The following STPG1 variants were observed in gnomAD, a reference collection of about 807,000 sequenced individuals.
STPG1 encodes the protein sperm tail PG-rich repeat containing 1.
Under a neutral mutation model 40.1 loss-of-function variants are expected in STPG1, and 33 were observed. That is an observed-to-expected ratio of 0.82 (90% CI 0.62 to 1.10). STPG1 has a LOEUF of 1.10. Among genes scored for constraint, STPG1 ranks in the 50% least tolerant of loss-of-function variants. The probability of loss-of-function intolerance (pLI) is 0.00; values close to 1 mark genes in which losing one functional copy is unlikely to be tolerated. For missense variants in STPG1, 396 were observed against 415.1 expected (o/e 0.95, Z 0.40); for synonymous variants, 150 against 155.0 (o/e 0.97, Z 0.24).
intron 5 of STPG1, among the ~76,000 whole-genome samples, chr1:24,376,323 C>A (rs936859472): frequency 6.6e-6 from 1 of 152,128 alleles, no homozygotes; most frequent in African/African-American, 2.4e-5. Context: ...GCCTGGCCTG[C>A]ACCTGGTTTT....
rs753343343 is a variant in STPG1, at chr1:24,369,679, AAG to A, written c.730_731del (p.Leu244PhefsTer29). On this transcript the variant is annotated frameshift_variant, in exon 7 of 9. Coordinates refer to ENST00000337248, the MANE Select transcript of STPG1 (RefSeq NM_001199013.2). LOFTEE classifies it high-confidence loss of function. ...CCAGAATGATTGGGACTCACGGGAAAAGAGTCTTTTTTGGAACTTTTGTGCAA... is the reference window on the plus strand; with the variant it reads ...CCAGAATGATTGGGACTCACGGGAAAAGTCTTTTTTGGAACTTTTGTGCAA... ...SDCTKVPKKTLFPKNPILNFS... is the reference protein window; with the variant it reads ...SDCTKVPKKTXFPKNPILNFS... 1 of 1,590,440 alleles carries A rather than the reference AAG, an allele frequency of 6.3e-7. No homozygotes were observed. Among genetic ancestry groups the A allele is most frequent in the South Asian group, 1.1e-5 (1 of 88,436 alleles).
intron 1 of STPG1, among the ~76,000 whole-genome samples, chr1:24,403,526 T>C (rs1643303749): frequency 6.6e-6 from 1 of 152,186 alleles, no homozygotes; most frequent in South Asian, 2.1e-4. Flanking sequence ...TGAGATTGCA[T>C]TGAATCTATA....
At chr1:24,388,968 G>T (rs183238148) in intron 3 of STPG1, among the ~76,000 whole-genome samples, 1 of 152,144 alleles carries the variant, frequency 6.6e-6, no homozygotes, top group Admixed American at 6.5e-5. Flanking sequence ...AGTAGGACAC[G>T]GAAAGCCTGA....
intron 2 of STPG1, chr1:24,392,186 G>A: frequency 1.9e-6 from 1 of 538,718 alleles, no homozygotes; most frequent in Non-Finnish European, 2.4e-6. Flanking sequence ...TTTCGTTTCT[G>A]TTTTGAGCAG....
chr1:24,357,870 A>G lies in STPG1; in HGVS notation c.*673T>C. On this transcript the variant is annotated 3_prime_UTR_variant, in exon 9 of 9. Transcript: ENST00000337248. ...GTCCCGCCAGCAGAGAAAGTCAGGG[A>G]AAAGCGCAGCCCCCGGGCCCGGCCA... 1 of 306,296 alleles carries G rather than the reference A, an allele frequency of 3.3e-6. No homozygotes were observed. The allele number at this position is 306,296 out of a possible 1,614,324, so 19.0% of individuals were successfully genotyped here.
rs553930510 is a variant in STPG1, at chr1:24,369,596, AC to A, written c.737+77del. On this transcript the variant is annotated intron_variant, in intron 7 of 8. Coordinates refer to ENST00000337248, the MANE Select transcript of STPG1 (RefSeq NM_001199013.2). ...GCACTGTGCTCTGCCAAGCAGTGAC[AC>A]CCCATCCTTTTCTCTATGTTGGGCT... 81 of 1,473,430 alleles carry A rather than the reference AC, an allele frequency of 5.5e-5. 1 individual carries two copies. In the African/African-American group the frequency reaches 1.1e-3, roughly 20 times the overall value. 91.3% of individuals were successfully genotyped at this position (1,473,430 alleles called of 1,614,324 possible).
chr1:24,364,475 A>ATT, intron 7 of STPG1: 1 of 1,393,846 alleles, frequency 7.2e-7, no homozygotes, highest in South Asian at 1.8e-5. Context: ...ATTACTTTGC[A>ATT]TTTAAAATGT....
In STPG1 at chr1:24,359,258, C is replaced by T. The variant is rs979830200; in HGVS notation, c.929-639G>A. ...CCCACCTTGGCATGGGTGATCAGAG[C>T]GGCAGGAGCTGCCTGTCTCTGTGTG... On this transcript the variant is annotated intron_variant, in intron 8 of 8. Transcript: ENST00000337248. This position sits in a 1 kb window ranked among gnomAD's most constrained non-coding sequence, Gnocchi z 5.3. 2.6e-5 allele frequency among the ~76,000 whole-genome samples: 4 copies of T among 152,212 alleles called. No homozygotes were observed. Among genetic ancestry groups the T allele is most frequent in the African/African-American group, 4.8e-5 (2 of 41,444 alleles).
At chr1:24,371,572 C>T (rs1256797354) in intron 6 of STPG1, among the ~76,000 whole-genome samples, 1 of 142,204 alleles carries the variant, frequency 7.0e-6, no homozygotes, top group African/African-American at 2.6e-5. Context: ...GCCTGGGCAA[C>T]AGAGCGAGAC....
chr1:24,405,022 A>G (rs1643361203), intron 1 of STPG1, among the ~76,000 whole-genome samples: 1 of 152,222 alleles, frequency 6.6e-6, no homozygotes, highest in Non-Finnish European at 1.5e-5. Context: ...CAGTGGCACA[A>G]TCTCAGCTCA....
intron 6 of STPG1, among the ~76,000 whole-genome samples, chr1:24,371,590 CAA>C (rs11348704): frequency 1.0e-3 from 109 of 108,082 alleles, no homozygotes; most frequent in East Asian, 1.2e-3. Flanking sequence ...GACTCCCTCT[CAA>C]AAAAAAAAAA....
chr1:24,405,322 C>T lies in STPG1; in HGVS notation c.-68-3866G>A, dbSNP rs186823821. On this transcript the variant is annotated intron_variant, in intron 1 of 8. Transcript: ENST00000337248. The stretch of plus-strand genomic sequence containing the variant: ...GTTCCTGTAAGCACCATTTTAGTGG[C>T]ATCTCATATATTTTAACATGTTGTG... Among the ~76,000 whole-genome samples the T allele has an allele frequency of 1.4e-3, 207 of 152,252 alleles. 1 individual carries two copies. The highest frequency in any genetic ancestry group is 7.4e-4 in the Non-Finnish European group (50 of 68,010).
chr1:24,379,797 A>G lies in STPG1; in HGVS notation c.318T>C (p.Ser106=), dbSNP rs1223413051. The change falls in exon 5 of 9, where the codon TCT becomes TCC. Residue 106 remains serine (S), a synonymous_variant. Coordinates refer to ENST00000337248, the MANE Select transcript of STPG1 (RefSeq NM_001199013.2). ...TGTATGCATTCGCTGCAGGGTATTT[A>G]GAAATGATGGTGTCCAATCGGGCGC... ...SMCARLDTII[S]KYPAANAYTI... is the part of the protein sequence containing the mutation. 1 of 1,614,136 alleles carries G rather than the reference A, an allele frequency of 6.2e-7. No homozygotes were observed. Among genetic ancestry groups the G allele is most frequent in the Non-Finnish European group, 8.5e-7 (1 of 1,179,944 alleles).
chr1:24,410,036 T>C (rs1395044420), intron 1 of STPG1, among the ~76,000 whole-genome samples: 3 of 152,244 alleles, frequency 2.0e-5, no homozygotes, highest in Non-Finnish European at 4.4e-5. Flanking sequence ...AAATTGGTGC[T>C]AGTTTTGGTG....
In STPG1 at chr1:24,380,390, C is replaced by T. The variant is rs547831091; in HGVS notation, c.292-567G>A. ...CCAATCCCACCCTTTCAGGAAGCCACGATAAATTATCTTCAGTTAAAAAAC... is the reference window on the plus strand; with the variant it reads ...CCAATCCCACCCTTTCAGGAAGCCATGATAAATTATCTTCAGTTAAAAAAC... On this transcript the variant is annotated intron_variant, in intron 4 of 8. Coordinates refer to ENST00000337248, the MANE Select transcript of STPG1 (RefSeq NM_001199013.2). 1.2e-4 allele frequency among the ~76,000 whole-genome samples: 18 copies of T among 152,192 alleles called. No individual in the cohort carries two copies. The East Asian group carries it at 1.7e-3, about 15-fold the overall frequency.
rs1643225034 is a variant in STPG1, at chr1:24,401,444, T to A, written c.-56A>T. ...GTTTGATGAAAAGTTCTACTGCATGTTCTCCTAAGCACCTGAAACAGCAAA... is the reference window on the plus strand; with the variant it reads ...GTTTGATGAAAAGTTCTACTGCATGATCTCCTAAGCACCTGAAACAGCAAA... On this transcript the variant is annotated 5_prime_UTR_variant, in exon 2 of 9. Coordinates refer to ENST00000337248, the MANE Select transcript of STPG1 (RefSeq NM_001199013.2). 1 of 1,496,186 alleles carries A rather than the reference T, an allele frequency of 6.7e-7. No homozygotes were observed. The highest frequency in any genetic ancestry group is 9.3e-7 in the Non-Finnish European group (1 of 1,076,232). The allele number at this position is 1,496,186 out of a possible 1,614,324, so 92.7% of individuals were successfully genotyped here.
Position 24,404,099 on chromosome 1 carries a change from C to A in STPG1, c.-68-2643G>T, listed in dbSNP as rs919281609. Among the ~76,000 whole-genome samples the A allele has an allele frequency of 4.6e-5, 7 of 151,962 alleles. No individual in the cohort carries two copies. The East Asian group carries it at 1.3e-3, about 29-fold the overall frequency. ...TGTAGGTTTTTTTAAAATAAAAGCT[C>A]GTTATCACTTCTAATCTGTTTCCTA... On this transcript the variant is annotated intron_variant, in intron 1 of 8. Transcript: ENST00000337248.
chr1:24,410,798 G>A (rs1205387722), intron 1 of STPG1: 3 of 152,236 alleles, frequency 2.0e-5, no homozygotes, highest in African/African-American at 7.2e-5. Flanking sequence ...GTCCATGACA[G>A]GATGGCATGG....
chr1:24,370,284 A>G (rs1018830708), intron 6 of STPG1, among the ~76,000 whole-genome samples: 1 of 151,302 alleles, frequency 6.6e-6, no homozygotes, highest in African/African-American at 2.4e-5. Flanking sequence ...CACATAGTGG[A>G]TGCTTTGTAA....
Sources: gnomAD v4.1 joint callset for allele counts (sites outside exome capture counted in the v4.1 genomes callset) on GRCh38, gnomAD v4.1.1 for gene constraint, Gnocchi (gnomAD v3.1) non-coding constraint, MANE v1.5 for transcripts, NCBI Gene and HGNC (gene_info 2026-07-23, HGNC 2026-07-21) for gene names.